The following ARMC8 variants were observed in gnomAD, a reference collection of about 807,000 sequenced individuals.
The protein encoded by ARMC8 is armadillo repeat-containing protein 8.
In ARMC8, 20 loss-of-function variants were observed where a neutral mutation model predicts 99.3. The observed-to-expected ratio is 0.20, with a 90% confidence interval of 0.14 to 0.29. The LOEUF is 0.29. ARMC8 is among the 10% of genes least tolerant of loss of function. The pLI is 1.00. For synonymous variants in ARMC8, 263 were observed against 278.3 expected (o/e 0.95, Z 0.55); for missense variants, 569 against 809.5 (o/e 0.70, Z 3.60).
intron 6 of ARMC8, among the ~76,000 whole-genome samples, chr3:138,233,471 A>G (rs1488516808): frequency 6.6e-6 from 1 of 152,206 alleles, no homozygotes; most frequent in Admixed American, 6.5e-5. Flanking sequence ...TAAAATATAC[A>G]ATGGGGGTTT....
At chr3:138,284,953 T>G (rs1420977490) in intron 19 of ARMC8, among the ~76,000 whole-genome samples, 1 of 152,238 alleles carries the variant, frequency 6.6e-6, no homozygotes, top group Non-Finnish European at 1.5e-5. Flanking sequence ...ATATCCTGCA[T>G]CTGATCATCA....
chr3:138,220,339 A>G (rs1028812155), intron 2 of ARMC8, among the ~76,000 whole-genome samples: 2 of 152,204 alleles, frequency 1.3e-5, no homozygotes, highest in African/African-American at 2.4e-5. Context: ...AGTCCCATAA[A>G]CAACAACAAA....
intron 10 of ARMC8, among the ~76,000 whole-genome samples, chr3:138,240,325 A>G (rs949632042): frequency 2.0e-5 from 3 of 152,244 alleles, no homozygotes; most frequent in Admixed American, 6.5e-5. Flanking sequence ...AAAGAGCACA[A>G]AGAAGACTAA....
At chr3:138,231,823 C>T (rs1486418670) in intron 6 of ARMC8, among the ~76,000 whole-genome samples, 1 of 151,906 alleles carries the variant, frequency 6.6e-6, no homozygotes, top group African/African-American at 2.4e-5. Context: ...AGGTGCTTCC[C>T]ACCCAGTGGA....
chr3:138,224,229 A>G (rs1274736435), intron 5 of ARMC8, among the ~76,000 whole-genome samples: 1 of 151,012 alleles, frequency 6.6e-6, no homozygotes, highest in East Asian at 2.0e-4. Flanking sequence ...AAGTGCTGGG[A>G]TTACAGGTGT....
At chr3:138,224,568 G>A (rs960756710) in intron 5 of ARMC8, among the ~76,000 whole-genome samples, 3 of 152,254 alleles carry the variant, frequency 2.0e-5, no homozygotes, top group South Asian at 2.1e-4. Context: ...TGGCCAACAC[G>A]GTGAAACTCC....
chr3:138,247,914 T>G (rs1248531592), intron 12 of ARMC8, among the ~76,000 whole-genome samples: 2 of 152,188 alleles, frequency 1.3e-5, no homozygotes, highest in Non-Finnish European at 2.9e-5. Flanking sequence ...TCAATAAATA[T>G]TTGTTGAATA....
rs987946439 is a variant in ARMC8, at chr3:138,187,570, G to A, written c.16G>A (p.Glu6Lys). MACLL[E>K]TPIRMSVLSE... is the part of the protein sequence containing the mutation. ...AAGGCTCAAGATGGCGTGCTTGTTG[G>A]AGACCCCAATCCGCATGAGCGTCCT... Residue 6 changes from glutamate to lysine, a missense_variant, in exon 1 of 22, where the codon GAG becomes AAG. Physicochemically the swap from Glu to Lys is moderately conservative, Grantham distance 56. This residue lies in a region of ARMC8 where 342 missense variants were observed against 391.6 expected (regional missense o/e 0.87). Transcript: ENST00000469044. The A allele has an allele frequency of 1.5e-5, 23 of 1,535,762 alleles. No homozygotes were observed. The highest frequency in any genetic ancestry group is 2.0e-5 in the Non-Finnish European group (23 of 1,146,738).
intron 2 of ARMC8, among the ~76,000 whole-genome samples, chr3:138,214,663 T>C (rs1052887419): frequency 6.6e-6 from 1 of 152,214 alleles, no homozygotes; most frequent in Admixed American, 6.5e-5. Context: ...ATCAGTTTTT[T>C]TGTTTTGTTT....
chr3:138,289,967 G>A (rs188194932), intron 20 of ARMC8, among the ~76,000 whole-genome samples: 19 of 152,234 alleles, frequency 1.2e-4, no homozygotes, highest in Non-Finnish European at 2.1e-4. Context: ...ACTGGATTCC[G>A]CCCACAGACC....
intron 6 of ARMC8, among the ~76,000 whole-genome samples, chr3:138,232,410 G>C (rs1348955938): frequency 6.6e-6 from 1 of 152,054 alleles, no homozygotes; most frequent in Non-Finnish European, 1.5e-5. Context: ...TCAGCACCAG[G>C]GAACAATTAT....
intron 18 of ARMC8, among the ~76,000 whole-genome samples, chr3:138,279,015 A>C (rs887558351): frequency 6.6e-6 from 1 of 152,086 alleles, no homozygotes; most frequent in Non-Finnish European, 1.5e-5. Flanking sequence ...TCTATATGCT[A>C]TTTTGTTTTT....
At chr3:138,192,194 G>T (rs947076957) in intron 1 of ARMC8, among the ~76,000 whole-genome samples, 1 of 151,080 alleles carries the variant, frequency 6.6e-6, no homozygotes, top group African/African-American at 2.4e-5. Flanking sequence ...TAGTAGATGT[G>T]TAGTAATATC....
chr3:138,239,331 A>G, intron 9 of ARMC8, 137 bp from the exon 10 acceptor site: 1 of 591,106 alleles, frequency 1.7e-6, no homozygotes, highest in East Asian at 3.3e-5. Flanking sequence ...CGAAAAGCGA[A>G]TTGTCAAAAT....
intron 21 of ARMC8, among the ~76,000 whole-genome samples, chr3:138,291,298 T>G (rs935212891): frequency 6.6e-6 from 1 of 152,204 alleles, no homozygotes; most frequent in African/African-American, 2.4e-5. Context: ...GCTCTGCCTT[T>G]CTCATCTTCT....
At chr3:138,280,639 G>A (rs372198268) in intron 18 of ARMC8, among the ~76,000 whole-genome samples, 3 of 151,774 alleles carry the variant, frequency 2.0e-5, no homozygotes, top group South Asian at 2.1e-4. Context: ...GATTATAGGC[G>A]CCTGCCACCA....
intron 21 of ARMC8, among the ~76,000 whole-genome samples, chr3:138,294,028 GATAATGACAGTAGAAAGACA>G (rs1436807616): frequency 6.6e-6 from 1 of 152,110 alleles, no homozygotes; most frequent in Non-Finnish European, 1.5e-5. Flanking sequence ...AGACTCCTTA[GATAATGACAGTAGAAAGACA>G]ATAAAGGTAC....
chr3:138,249,535 G>T (rs749453680), intron 12 of ARMC8, among the ~76,000 whole-genome samples: 2 of 151,758 alleles, frequency 1.3e-5, no homozygotes, highest in African/African-American at 4.8e-5. Context: ...TCATTCACAC[G>T]TGTGAATCTG....
At chr3:138,193,603 A>G (rs539726640) in intron 1 of ARMC8, among the ~76,000 whole-genome samples, 11 of 152,290 alleles carry the variant, frequency 7.2e-5, no homozygotes, top group African/African-American at 2.6e-4. Context: ...AACCCTTTGT[A>G]AGATAGGTAT....
Sources: allele counts gnomAD v4.1 joint callset (sites outside exome capture counted in the v4.1 genomes callset), GRCh38; gene constraint gnomAD v4.1.1; regional missense constraint gnomAD v4.1.1; transcripts MANE v1.5; gene names NCBI Gene and HGNC (gene_info 2026-07-23, HGNC 2026-07-21).